The following ZNF487 variants were observed in gnomAD, a reference collection of about 807,000 sequenced individuals.
ZNF487 encodes the protein zinc finger protein 487.
In ZNF487, 4 loss-of-function variants were observed where a neutral mutation model predicts 3.0. That is an observed-to-expected ratio of 1.35 (90% CI 0.66 to 3.08). The LOEUF is 3.08. Among genes scored for constraint, ZNF487 ranks in the 30% most tolerant of loss-of-function variants. The probability of loss-of-function intolerance (pLI) is 0.01; values close to 1 mark genes in which losing one functional copy is unlikely to be tolerated. For missense variants in ZNF487, 146 were observed against 98.7 expected, an observed-to-expected ratio of 1.48 and a Z score of -2.03; for synonymous variants, 55 against 34.6, an observed-to-expected ratio of 1.59 and a Z score of -2.06.
At chr10:43,521,095 A>T in the ZNF487 span, among the ~76,000 whole-genome samples, 1 of 152,162 alleles carries the variant, frequency 6.6e-6, no homozygotes, top group Non-Finnish European at 1.5e-5. Context: ...ATGGTTGATT[A>T]TCATGATTCA....
Position 43,482,468 on chromosome 10 carries a change from CA to C in ZNF487, c.*549del. 4.2e-6 allele frequency: 2 copies of C among 470,606 alleles called. No homozygotes were observed. The allele number at this position is 470,606 out of a possible 1,614,324, so 29.2% of individuals were successfully genotyped here. A position where few individuals can be genotyped will look rare whatever the true frequency, so the allele number is the denominator to read the frequency against. ...ATATAGGTCATGCCTTGCAGTACAT[CA>C]AAGAACACACACGGGACAAAACCTA... On this transcript the variant is annotated 3_prime_UTR_variant, in exon 4 of 4. Transcript: ENST00000437590.
the ZNF487 span, among the ~76,000 whole-genome samples, chr10:43,505,433 C>T: frequency 0.012 from 1,710 of 140,042 alleles, 100 homozygotes; most frequent in Admixed American, 0.098. Flanking sequence ...TACAGGTGTG[C>T]ACCACCATGC....
chr10:43,439,827 T>A (rs1839526034), intron 1 of ZNF487, among the ~76,000 whole-genome samples: 1 of 152,162 alleles, frequency 6.6e-6, no homozygotes, highest in African/African-American at 2.4e-5. Context: ...GATCCCCACT[T>A]ATATGAGAAT....
At chr10:43,487,136 A>AT (rs5784601), downstream of ZNF487, among the ~76,000 whole-genome samples, 3,073 of 120,640 alleles carry the variant, frequency 0.025, 62 homozygotes, top group African/African-American at 0.053. Context: ...GTCACTAAGA[A>AT]TTTTTTTTTT....
At chr10:43,520,064 A>AT in the ZNF487 span, among the ~76,000 whole-genome samples, 4,841 of 152,218 alleles carry the variant, frequency 0.032, 119 homozygotes, top group African/African-American at 0.068. Context: ...GAAGTTTGCT[A>AT]TTTTTTTGTG....
chr10:43,505,064 A>C, the ZNF487 span, among the ~76,000 whole-genome samples: 1 of 151,990 alleles, frequency 6.6e-6, no homozygotes, highest in Non-Finnish European at 1.5e-5. Flanking sequence ...GCTGGAGTGC[A>C]GTGGCTATTC....
At chr10:43,460,240 T>C (rs1840379967) in intron 1 of ZNF487, among the ~76,000 whole-genome samples, 1 of 152,178 alleles carries the variant, frequency 6.6e-6, no homozygotes, top group South Asian at 2.1e-4. Context: ...ATTAATGTTT[T>C]GATTTTCAAA....
chr10:43,440,644 T>A (rs61859004), intron 1 of ZNF487, among the ~76,000 whole-genome samples: 6 of 150,560 alleles, frequency 4.0e-5, no homozygotes, highest in Admixed American at 1.3e-4. Flanking sequence ...GGCAACAGAG[T>A]GAGACTCTGT....
chr10:43,440,002 A>T (rs1253598925), intron 1 of ZNF487, among the ~76,000 whole-genome samples: 2 of 151,898 alleles, frequency 1.3e-5, no homozygotes, highest in Non-Finnish European at 2.9e-5. Context: ...TTAAGACTGA[A>T]CTGTACACTT....
intron 1 of ZNF487, among the ~76,000 whole-genome samples, chr10:43,449,277 C>T (rs143159999): frequency 0.01 from 1,532 of 151,696 alleles, 20 homozygotes; most frequent in African/African-American, 0.035. Context: ...CCAGCCTCAG[C>T]GACAGAGCGA....
the ZNF487 span, among the ~76,000 whole-genome samples, chr10:43,505,106 A>G: frequency 6.6e-6 from 1 of 151,492 alleles, no homozygotes; most frequent in Admixed American, 6.6e-5. Context: ...TGAGACCTCG[A>G]ACTCCTGGGC....
intron 1 of ZNF487, chr10:43,451,969 T>G: frequency 6.6e-6 from 1 of 152,180 alleles, no homozygotes; most frequent in East Asian, 1.9e-4. Flanking sequence ...CAAAGTAAAC[T>G]TTGCTGGCTC....
At chr10:43,523,163 A>C in the ZNF487 span, 2 of 152,168 alleles carry the variant, frequency 1.3e-5, no homozygotes, top group Non-Finnish European at 2.9e-5. Context: ...GCTATCCTAG[A>C]GCATTTGCAT....
chr10:43,491,157 A>G, the ZNF487 span, among the ~76,000 whole-genome samples: 160 of 150,886 alleles, frequency 1.1e-3, 7 homozygotes, highest in African/African-American at 3.9e-3. Context: ...TATTTTTAGT[A>G]GAGACGGGGT....
rs965911387 is a variant in ZNF487, at chr10:43,482,662, A to G, written c.*740A>G. On this transcript the variant is annotated 3_prime_UTR_variant, in exon 4 of 4. Coordinates refer to ENST00000437590, the MANE Select transcript of ZNF487 (RefSeq NM_001355444.3). ...AGAATACATACTGGCGAGAAACCCT[A>G]TGAGTGTAAGGAATGTGGGAAAACT... 2.0e-6 allele frequency: 1 copy of G among 490,402 alleles called. No homozygotes were observed. Among genetic ancestry groups the G allele is most frequent in the East Asian group, 6.0e-5 (1 of 16,610 alleles). 30.4% of individuals were successfully genotyped at this position (490,402 alleles called of 1,614,324 possible). A position where few individuals can be genotyped will look rare whatever the true frequency, so the allele number is the denominator to read the frequency against.
At chr10:43,513,618 A>G in the ZNF487 span, among the ~76,000 whole-genome samples, 2 of 152,150 alleles carry the variant, frequency 1.3e-5, no homozygotes, top group African/African-American at 4.8e-5. Context: ...GGCAGCTCTA[A>G]TGGCTTTCAT....
chr10:43,508,298 CTG>C, the ZNF487 span, among the ~76,000 whole-genome samples: 2 of 152,190 alleles, frequency 1.3e-5, no homozygotes, highest in Non-Finnish European at 2.9e-5. Flanking sequence ...CCCTCCTTGT[CTG>C]TATGTTTTTA....
the ZNF487 span, among the ~76,000 whole-genome samples, chr10:43,517,399 T>A: frequency 2.6e-5 from 4 of 152,212 alleles, no homozygotes; most frequent in African/African-American, 9.6e-5. Context: ...CTTGGATGGA[T>A]TCCCTTCAAC....
Position 43,482,639 on chromosome 10 carries a change from A to G in ZNF487, c.*717A>G, listed in dbSNP as rs3750890. ...GGTCAGCTCTAAAAGTACATCAGAG[A>G]ATACATACTGGCGAGAAACCCTATG... On this transcript the variant is annotated 3_prime_UTR_variant, in exon 4 of 4. Transcript: ENST00000437590. The G allele has an allele frequency of 0.52, 255,430 of 494,642 alleles. 70,209 individuals are homozygous for G. The highest frequency in any genetic ancestry group is 0.73 in the East Asian group (12,157 of 16,594). The allele number at this position is 494,642 out of a possible 1,614,324, so 30.6% of individuals were successfully genotyped here.
Sources: gnomAD v4.1 joint callset for allele counts (sites outside exome capture counted in the v4.1 genomes callset) on GRCh38, gnomAD v4.1.1 for gene constraint, MANE v1.5 for transcripts, NCBI Gene and HGNC (gene_info 2026-07-23, HGNC 2026-07-21) for gene names.